RANBP2: variants seen among roughly 807,000 people sequenced by gnomAD.
The protein encoded by RANBP2 is RAN binding protein 2.
A neutral mutation model predicts 303.6 loss-of-function variants in RANBP2; 57 were observed. The ratio of observed to expected loss-of-function variants is 0.19; its 90% CI spans 0.15 to 0.23. The LOEUF is 0.23. Ranked by LOEUF, RANBP2 falls within the 10% of genes least tolerant of loss-of-function variation. The probability of loss-of-function intolerance (pLI) is 1.00; values close to 1 mark genes in which losing one functional copy is unlikely to be tolerated. For synonymous variants in RANBP2, 1,167 were observed against 1,301.5 expected, an observed-to-expected ratio of 0.90 and a Z score of 2.23; for missense variants, 3,138 against 3,780.8, an observed-to-expected ratio of 0.83 and a Z score of 4.46.
At chr2:108,864,903 C>G in the RANBP2 span, among the ~76,000 whole-genome samples, 1 of 151,488 alleles carries the variant, frequency 6.6e-6, no homozygotes, top group Non-Finnish European at 1.5e-5. Flanking sequence ...CAACGTTGTA[C>G]TGAGCTATTA....
At position 108,763,372 on chromosome 2, in the gene RANBP2, C is replaced by A; in HGVS notation, c.2833C>A (p.Arg945Ser). Residue 945 changes from arginine to serine, a missense_variant, in exon 20 of 29, where the codon CGT (arginine) becomes AGT (serine). Arg to Ser is a moderately radical substitution (Grantham distance 110). Transcript: ENST00000283195. The stretch of plus-strand genomic sequence containing the variant: ...GGAGATGTATGGTCCTCCTGCATTG[C>A]GTTTTGAGTCTCCTGCAACGGGAAT... ...SQEMYGPPAL[R>S]FESPATGILS... 1 of 1,613,946 alleles carries A rather than the reference C, an allele frequency of 6.2e-7. No homozygotes were observed. Among genetic ancestry groups the A allele is most frequent in the Non-Finnish European group, 8.5e-7 (1 of 1,179,962 alleles).
chr2:109,242,397 A>T, the RANBP2 span, among the ~76,000 whole-genome samples: 2 of 152,120 alleles, frequency 1.3e-5, no homozygotes, highest in Admixed American at 6.5e-5. Flanking sequence ...CTCGTTGCAG[A>T]TGGTCACACC....
downstream of RANBP2, chr2:108,787,903 G>T: frequency 2.6e-6 from 2 of 778,444 alleles, no homozygotes; most frequent in Non-Finnish European, 3.9e-6. Flanking sequence ...TTGATCACTT[G>T]GTTAAGATGG....
the RANBP2 span, among the ~76,000 whole-genome samples, chr2:109,609,215 G>A: frequency 6.6e-6 from 1 of 152,136 alleles, no homozygotes; most frequent in Non-Finnish European, 1.5e-5. Flanking sequence ...CTGCCTGCAA[G>A]CATTTATAAT....
chr2:108,783,712 T>A lies in RANBP2; in HGVS notation c.9486T>A (p.Asn3162Lys). ...GTCCTGGTTTACTATCCATGGCCAA[T>A]CAAGGCCAGAATACCAATAATTCTC... ...HTGPGLLSMA[N>K]QGQNTNNSQF... The change falls in exon 29 of 29, where the codon AAT (asparagine) becomes AAA (lysine). Residue 3162 changes from asparagine to lysine, a missense_variant. Physicochemically the swap from Asn to Lys is moderately conservative, Grantham distance 94. Transcript: ENST00000283195. The A allele has an allele frequency of 6.2e-7, 1 of 1,612,044 alleles. No individual in the cohort carries two copies. The highest frequency in any genetic ancestry group is 8.5e-7 in the Non-Finnish European group (1 of 1,178,126).
At chr2:108,748,463 C>T (rs1675564815) in intron 8 of RANBP2, among the ~76,000 whole-genome samples, 1 of 151,264 alleles carries the variant, frequency 6.6e-6, no homozygotes, top group African/African-American at 2.4e-5. Context: ...CCTCATTATC[C>T]ACCCAGCTTG....
chr2:108,787,007 C>A, downstream of RANBP2: 1 of 811,796 alleles, frequency 1.2e-6, no homozygotes, highest in East Asian at 3.6e-5. Flanking sequence ...GGGCGCGCAG[C>A]GGCTCTGGTC....
the RANBP2 span, chr2:109,545,487 T>A: frequency 3.3e-6 from 5 of 1,536,166 alleles, no homozygotes; most frequent in Non-Finnish European, 4.4e-6. Flanking sequence ...CGTCCACCAT[T>A]GGTTTCACAA....
At chr2:108,821,558 C>T in the RANBP2 span, among the ~76,000 whole-genome samples, 3 of 151,660 alleles carry the variant, frequency 2.0e-5, no homozygotes, top group Non-Finnish European at 2.9e-5. Context: ...GTAACACACA[C>T]AAAAATCAGT....
chr2:108,794,447 G>T, the RANBP2 span: 8 of 1,106,060 alleles, frequency 7.2e-6, no homozygotes, highest in East Asian at 2.5e-5. Context: ...GTTATATTTT[G>T]TACTTAAAGC....
chr2:109,647,905 G>A, the RANBP2 span, among the ~76,000 whole-genome samples: 6 of 152,224 alleles, frequency 3.9e-5, no homozygotes, highest in Non-Finnish European at 5.9e-5. Context: ...ACAAATGCCC[G>A]TTAGCTGCCT....
chr2:109,559,771 T>C, the RANBP2 span, among the ~76,000 whole-genome samples: 4 of 152,220 alleles, frequency 2.6e-5, no homozygotes, highest in African/African-American at 9.6e-5. Context: ...CTATGAATTG[T>C]GAGCAGTGAA....
chr2:109,724,409 G>A, the RANBP2 span, among the ~76,000 whole-genome samples: 1 of 152,172 alleles, frequency 6.6e-6, no homozygotes, highest in Non-Finnish European at 1.5e-5. Context: ...AGCATGGAAT[G>A]TTTTTCCATT....
chr2:109,718,689 T>C, the RANBP2 span, among the ~76,000 whole-genome samples: 5 of 152,018 alleles, frequency 3.3e-5, no homozygotes, highest in East Asian at 1.9e-4. Context: ...TTAAAAACAA[T>C]TTAATTACGG....
chr2:109,012,753 A>C, the RANBP2 span, among the ~76,000 whole-genome samples: 1 of 152,128 alleles, frequency 6.6e-6, no homozygotes, highest in Non-Finnish European at 1.5e-5. Flanking sequence ...TCTCTACTAA[A>C]GATACAAAAA....
chr2:109,546,351 G>A, the RANBP2 span: 1 of 551,288 alleles, frequency 1.8e-6, no homozygotes, highest in African/African-American at 1.9e-5. Flanking sequence ...AACCTACACA[G>A]TCAAAATCTT....
chr2:109,129,800 G>A, the RANBP2 span: 1 of 1,538,754 alleles, frequency 6.5e-7, no homozygotes, highest in Non-Finnish European at 8.7e-7. Flanking sequence ...AGCATCGTGT[G>A]CTCGCGCCAC....
chr2:108,952,581 G>A, the RANBP2 span, among the ~76,000 whole-genome samples: 30 of 152,218 alleles, frequency 2.0e-4, no homozygotes, highest in African/African-American at 6.3e-4. Flanking sequence ...ACTTTCACTT[G>A]CTCTGCTGAG....
At chr2:109,185,213 A>G in the RANBP2 span, among the ~76,000 whole-genome samples, 25 of 152,340 alleles carry the variant, frequency 1.6e-4, no homozygotes, top group East Asian at 3.9e-3. Context: ...ATTTTTCCGT[A>G]TATTTATCAA....
Sources: allele counts gnomAD v4.1 joint callset (sites outside exome capture counted in the v4.1 genomes callset), GRCh38; gene constraint gnomAD v4.1.1; transcripts MANE v1.5; gene names NCBI Gene and HGNC (gene_info 2026-07-23, HGNC 2026-07-21).